Variants in CYFIP2 observed in about 807,000 individuals in gnomAD.
The protein encoded by CYFIP2 is cytoplasmic FMR1 interacting protein 2.
In CYFIP2, 29 loss-of-function variants were observed where a neutral mutation model predicts 158.7. That is an observed-to-expected ratio of 0.18 (90% CI 0.14 to 0.25). The LOEUF (loss-of-function observed/expected upper bound fraction) is 0.25. Among genes scored for constraint, CYFIP2 ranks in the 10% least tolerant of loss-of-function variants. The probability of loss-of-function intolerance (pLI) is 1.00; values close to 1 mark genes in which losing one functional copy is unlikely to be tolerated. For missense variants in CYFIP2, 852 were observed against 1,639.5 expected (o/e 0.52, Z 8.29); for synonymous variants, 585 against 617.6 (o/e 0.95, Z 0.78).
intron 26 of CYFIP2, among the ~76,000 whole-genome samples, chr5:157,370,989 G>T (rs1391526103): frequency 6.6e-6 from 1 of 152,192 alleles, no homozygotes; most frequent in Non-Finnish European, 1.5e-5. Context: ...GGGCTATGAA[G>T]AGCTGCTGGA....
At chr5:157,289,525 T>C (rs921794230) in intron 3 of CYFIP2, among the ~76,000 whole-genome samples, 1 of 152,214 alleles carries the variant, frequency 6.6e-6, no homozygotes, top group Non-Finnish European at 1.5e-5. Context: ...ACTTTTTTCC[T>C]TGGCTCCCAG....
intron 15 of CYFIP2, chr5:157,323,008 C>T (rs748051190): frequency 5.2e-6 from 8 of 1,535,904 alleles, no homozygotes; most frequent in South Asian, 4.8e-5. Flanking sequence ...AAGAGGCTGC[C>T]GATCCCTGGT....
chr5:157,343,578 C>A, intron 23 of CYFIP2: 1 of 1,468,694 alleles, frequency 6.8e-7, no homozygotes, highest in Non-Finnish European at 9.2e-7. Flanking sequence ...GTGACATCCC[C>A]TGATTTAAGT....
intron 1 of CYFIP2, among the ~76,000 whole-genome samples, chr5:157,272,179 C>T (rs868583652): frequency 2.0e-5 from 3 of 152,190 alleles, no homozygotes; most frequent in African/African-American, 4.8e-5. Context: ...TCATAAACAA[C>T]GAGGAGGATA....
At chr5:157,269,956 T>G (rs570752450) in intron 1 of CYFIP2, among the ~76,000 whole-genome samples, 31 of 152,330 alleles carry the variant, frequency 2.0e-4, no homozygotes, top group Admixed American at 8.5e-4. Context: ...AAAATAGCCA[T>G]TTAAGCCATA....
intron 24 of CYFIP2, among the ~76,000 whole-genome samples, chr5:157,359,361 G>T (rs1277301970): frequency 1.3e-5 from 2 of 152,102 alleles, no homozygotes; most frequent in African/African-American, 4.8e-5. Flanking sequence ...ACCTATAGCT[G>T]TGCTCCTCAT....
chr5:157,361,347 T>C lies in CYFIP2; in HGVS notation c.2909-121T>C, dbSNP rs983097264. The C allele has an allele frequency of 1.3e-5, 16 of 1,249,858 alleles. No individual in the cohort carries two copies. The Admixed American group carries it at 2.0e-4, about 15-fold the overall frequency. 77.4% of individuals were successfully genotyped at this position (1,249,858 alleles called of 1,614,324 possible). A position where few individuals can be genotyped will look rare whatever the true frequency, so the allele number is the denominator to read the frequency against. On this transcript the variant is annotated intron_variant, in intron 25 of 30. Coordinates refer to ENST00000620254, the MANE Select transcript of CYFIP2 (RefSeq NM_001037333.3). This position sits in a 1 kb window ranked among gnomAD's most constrained non-coding sequence, Gnocchi z 4.4. Reference sequence around the variant, plus strand: ...ACTCTGGGCCTGCAGGTAAGAGGGATGCGTGGTTTGGCTTTTTGCTATCCC... The same window carrying C: ...ACTCTGGGCCTGCAGGTAAGAGGGACGCGTGGTTTGGCTTTTTGCTATCCC...
chr5:157,273,870 C>T (rs1361407672), intron 1 of CYFIP2, among the ~76,000 whole-genome samples: 2 of 151,994 alleles, frequency 1.3e-5, no homozygotes, highest in Admixed American at 6.6e-5. Context: ...CATGGTGGCT[C>T]ATGTCTGTAA....
chr5:157,327,023 G>T (rs1012396257), intron 18 of CYFIP2, among the ~76,000 whole-genome samples: 1 of 152,134 alleles, frequency 6.6e-6, no homozygotes, highest in Admixed American at 6.5e-5. Flanking sequence ...ACAGTAAATA[G>T]GATCTGTTTC....
Position 157,394,281 on chromosome 5 carries a change from A to C in CYFIP2, c.*1281A>C, listed in dbSNP as rs1453636628. ...GAAGGACAAAAGGCTTTAGGATATAAATTTCATGTTACAGAGCATGTCATT... is the reference window on the plus strand; with the variant it reads ...GAAGGACAAAAGGCTTTAGGATATACATTTCATGTTACAGAGCATGTCATT... On this transcript the variant is annotated 3_prime_UTR_variant, in exon 31 of 31. Coordinates refer to ENST00000620254, the MANE Select transcript of CYFIP2 (RefSeq NM_001037333.3). The C allele has an allele frequency of 1.3e-5, 2 of 152,192 alleles. No individual in the cohort carries two copies. Among genetic ancestry groups the C allele is most frequent in the Non-Finnish European group, 1.5e-5 (1 of 68,040 alleles). The allele number at this position is 152,192 out of a possible 1,614,324, so 9.4% of individuals were successfully genotyped here. A position where few individuals can be genotyped will look rare whatever the true frequency, so the allele number is the denominator to read the frequency against.
In CYFIP2 at chr5:157,285,241, T is replaced by C; in HGVS notation, c.-23-98T>C. On this transcript the variant is annotated intron_variant, in intron 1 of 30. Transcript: ENST00000620254. Reference sequence around the variant, plus strand: ...GGAAGTGGCCTCAATGCATTTTAACTCTCTTTATTCTCCCAAAGGATGCTG... The same window carrying C: ...GGAAGTGGCCTCAATGCATTTTAACCCTCTTTATTCTCCCAAAGGATGCTG... 1.3e-5 allele frequency: 10 copies of C among 787,394 alleles called. No homozygotes were observed. In the South Asian group the frequency reaches 1.6e-4, roughly 13 times the overall value. The allele number at this position is 787,394 out of a possible 1,614,324, so 48.8% of individuals were successfully genotyped here.
intron 13 of CYFIP2, among the ~76,000 whole-genome samples, chr5:157,315,421 G>C (rs1760061533): frequency 6.6e-6 from 1 of 152,238 alleles, no homozygotes. Context: ...GAGAGCTACA[G>C]ATTGGAATAA....
intron 17 of CYFIP2, 48 bp downstream of exon 17, chr5:157,325,686 A>C (rs375380801): frequency 8.6e-4 from 1,315 of 1,530,582 alleles, no homozygotes; most frequent in Middle Eastern, 2.6e-3. Context: ...GTACAAGTAG[A>C]GGGCAGTTTG....
chr5:157,378,877 C>T, intron 26 of CYFIP2, among the ~76,000 whole-genome samples: 1 of 152,198 alleles, frequency 6.6e-6, no homozygotes. Context: ...ACCATTTAAT[C>T]CAGCCTCTTC....
intron 23 of CYFIP2, chr5:157,342,896 T>G: frequency 6.2e-7 from 1 of 1,613,800 alleles, no homozygotes; most frequent in Non-Finnish European, 8.5e-7. Flanking sequence ...AGCGGGTGGG[T>G]CACCACCCCC....
rs531087964 is a variant in CYFIP2 at position 157,281,682 on chromosome 5, C to T, written c.-23-3657C>T. ...CATTCATTTGTTTCATTTTACTTTT[C>T]GATTTGGGGGCCACTTTTTATAAAT... On this transcript the variant is annotated intron_variant, in intron 1 of 30. Transcript: ENST00000620254. Among the ~76,000 whole-genome samples, 19 of 152,170 alleles carry T rather than the reference C, an allele frequency of 1.2e-4. 1 individual carries two copies. In the South Asian group the frequency reaches 3.7e-3, roughly 30 times the overall value.
In CYFIP2 at chr5:157,395,536, G is replaced by A. The variant is rs371519970; in HGVS notation, c.*2536G>A. ...TTTGATTTGTATTTTGGGGGTACCT[G>A]TGTTGAGTTGATAAACATTTCCATC... On this transcript the variant is annotated 3_prime_UTR_variant, in exon 31 of 31. Transcript: ENST00000620254. 2.1e-6 allele frequency: 2 copies of A among 960,666 alleles called. No homozygotes were observed. Among genetic ancestry groups the A allele is most frequent in the East Asian group, 6.0e-5 (1 of 16,554 alleles). The allele number at this position is 960,666 out of a possible 1,614,324, so 59.5% of individuals were successfully genotyped here.
intron 29 of CYFIP2, chr5:157,389,644 CTG>C: frequency 1.9e-6 from 1 of 513,070 alleles, no homozygotes; most frequent in Non-Finnish European, 3.5e-6. Context: ...CCCCACTACA[CTG>C]TACTACTGGA....
chr5:157,287,161 G>GA, intron 3 of CYFIP2, 53 bp downstream of exon 3: 2 of 1,502,148 alleles, frequency 1.3e-6, no homozygotes, highest in Non-Finnish European at 9.2e-7. Flanking sequence ...GGCTGGCAGG[G>GA]GCCGCGGGCA....
Sources: gnomAD v4.1 joint callset for allele counts (sites outside exome capture counted in the v4.1 genomes callset) on GRCh38, gnomAD v4.1.1 for gene constraint, Gnocchi (gnomAD v3.1) non-coding constraint, MANE v1.5 for transcripts, NCBI Gene and HGNC (gene_info 2026-07-23, HGNC 2026-07-21) for gene names.